Variants in UBE2G1 observed in about 807,000 individuals in gnomAD.
UBE2G1 encodes ubiquitin-conjugating enzyme E2 G1.
In UBE2G1, 5 loss-of-function variants were observed where a neutral mutation model predicts 22.7. The ratio of observed to expected loss-of-function variants is 0.22; its 90% CI spans 0.12 to 0.46. UBE2G1 has a LOEUF of 0.46. Among genes scored for constraint, UBE2G1 ranks in the 20% least tolerant of loss-of-function variants. The pLI is 0.99. For synonymous variants in UBE2G1, 74 were observed against 67.5 expected, an observed-to-expected ratio of 1.10 and a Z score of -0.47; for missense variants, 88 against 203.9, an observed-to-expected ratio of 0.43 and a Z score of 3.46.
intron 1 of UBE2G1, among the ~76,000 whole-genome samples, chr17:4,313,765 A>C (rs1025846827): frequency 5.3e-5 from 8 of 152,132 alleles, no homozygotes; most frequent in African/African-American, 1.9e-4. Flanking sequence ...GTTATACTTC[A>C]ATTTTTAAAA....
rs184706087 is a variant in UBE2G1 at position 4,287,215 on chromosome 17, G to A, written c.426+2015C>T. Among the ~76,000 whole-genome samples the A allele has an allele frequency of 7.8e-4, 118 of 150,590 alleles. 3 individuals are homozygous for A. In the East Asian group the frequency reaches 0.016, roughly 21 times the overall value. On this transcript the variant is annotated intron_variant, in intron 4 of 5. Transcript: ENST00000396981. ...GCCTCCCAGGTTCAAACAATTCTCCGTGCCTCAGTCTCCCAAGCAGCTGGG... is the reference window on the plus strand; with the variant it reads ...GCCTCCCAGGTTCAAACAATTCTCCATGCCTCAGTCTCCCAAGCAGCTGGG...
At chr17:4,281,957 A>G (rs1968897618) in intron 5 of UBE2G1, among the ~76,000 whole-genome samples, 1 of 151,136 alleles carries the variant, frequency 6.6e-6, no homozygotes, top group Non-Finnish European at 1.5e-5. Context: ...GGTGCCTTCC[A>G]TCTTTGACTC....
chr17:4,365,178 T>C (rs1386338034), intron 1 of UBE2G1, among the ~76,000 whole-genome samples: 1 of 152,164 alleles, frequency 6.6e-6, no homozygotes, highest in East Asian at 1.9e-4. Context: ...AGGCTACTGG[T>C]TTTAGAGTGG....
chr17:4,288,212 T>C (rs1253719296), intron 4 of UBE2G1, among the ~76,000 whole-genome samples: 3 of 152,162 alleles, frequency 2.0e-5, no homozygotes, highest in African/African-American at 4.8e-5. Context: ...AATTGAAAAC[T>C]TGGGGATAAT....
chr17:4,328,884 A>C (rs924236043), intron 1 of UBE2G1, among the ~76,000 whole-genome samples: 1 of 152,182 alleles, frequency 6.6e-6, no homozygotes, highest in African/African-American at 2.4e-5. Context: ...CAGGAGATCA[A>C]GACCATCCTG....
intron 2 of UBE2G1, among the ~76,000 whole-genome samples, chr17:4,298,495 A>C (rs909952671): frequency 6.6e-6 from 1 of 152,182 alleles, no homozygotes; most frequent in Non-Finnish European, 1.5e-5. Flanking sequence ...AGCAAGTATG[A>C]ATTTTTATTG....
At chr17:4,363,245 A>G (rs1969989264) in intron 1 of UBE2G1, among the ~76,000 whole-genome samples, 1 of 152,160 alleles carries the variant, frequency 6.6e-6, no homozygotes, top group African/African-American at 2.4e-5. Context: ...GTACATTTTG[A>G]GCATGTTAAT....
At chr17:4,303,951 T>A (rs1046591018) in intron 2 of UBE2G1, among the ~76,000 whole-genome samples, 1 of 152,226 alleles carries the variant, frequency 6.6e-6, no homozygotes, top group Non-Finnish European at 1.5e-5. Context: ...ATAAAAGTTA[T>A]ACAGTCATCA....
At chr17:4,279,150 C>T (rs1333280058) in intron 5 of UBE2G1, among the ~76,000 whole-genome samples, 1 of 151,986 alleles carries the variant, frequency 6.6e-6, no homozygotes, top group Non-Finnish European at 1.5e-5. Context: ...TGGCACACAC[C>T]TGTAATCCCA....
chr17:4,365,264 C>A (rs1302446644), intron 1 of UBE2G1, among the ~76,000 whole-genome samples: 1 of 152,234 alleles, frequency 6.6e-6, no homozygotes. Flanking sequence ...TGGTTCATTT[C>A]TCTTTAAATC....
intron 1 of UBE2G1, among the ~76,000 whole-genome samples, chr17:4,365,409 C>T (rs1970020955): frequency 6.6e-6 from 1 of 152,218 alleles, no homozygotes; most frequent in Non-Finnish European, 1.5e-5. Flanking sequence ...AAAAAGTCAA[C>T]CTGGAAGCCG....
At chr17:4,283,003 T>C in intron 4 of UBE2G1, 82 bp from the exon 5 acceptor site, 1 of 1,167,670 alleles carries the variant, frequency 8.6e-7, no homozygotes, top group Non-Finnish European at 1.2e-6. Context: ...ATTTTGAATG[T>C]AATCCCTTGG....
At chr17:4,336,133 C>A (rs145600468) in intron 1 of UBE2G1, among the ~76,000 whole-genome samples, 325 of 152,094 alleles carry the variant, frequency 2.1e-3, no homozygotes, top group African/African-American at 7.4e-3. Flanking sequence ...GGCGACAGAG[C>A]TAGACTGTCT....
At chr17:4,329,638 A>G (rs150776852) in intron 1 of UBE2G1, among the ~76,000 whole-genome samples, 1 of 152,170 alleles carries the variant, frequency 6.6e-6, no homozygotes, top group Non-Finnish European at 1.5e-5. Flanking sequence ...AAGGACTTTA[A>G]TATATTTAAA....
At chr17:4,350,332 G>A (rs141104790) in intron 1 of UBE2G1, among the ~76,000 whole-genome samples, 53 of 152,024 alleles carry the variant, frequency 3.5e-4, no homozygotes, top group African/African-American at 1.2e-3. Flanking sequence ...ATGGTGGTGC[G>A]CCTGTAATCC....
intron 5 of UBE2G1, among the ~76,000 whole-genome samples, chr17:4,273,248 T>G (rs1968781369): frequency 6.6e-6 from 1 of 152,252 alleles, no homozygotes; most frequent in Admixed American, 6.5e-5. Flanking sequence ...ACAATCATCA[T>G]TATGAAGGAG....
At chr17:4,328,365 CA>C (rs1969525828) in intron 1 of UBE2G1, among the ~76,000 whole-genome samples, 1 of 152,138 alleles carries the variant, frequency 6.6e-6, no homozygotes, top group Admixed American at 6.5e-5. Flanking sequence ...ACTGGTTTTG[CA>C]AAAGCCCTTT....
At chr17:4,285,950 TAA>T in intron 4 of UBE2G1, among the ~76,000 whole-genome samples, 1 of 130,460 alleles carries the variant, frequency 7.7e-6, no homozygotes, top group African/African-American at 2.8e-5. Context: ...ACTACATCTT[TAA>T]AAAAAAAAAA....
chr17:4,353,660 G>A (rs918167912), intron 1 of UBE2G1, among the ~76,000 whole-genome samples: 3 of 151,448 alleles, frequency 2.0e-5, no homozygotes, highest in African/African-American at 7.3e-5. Context: ...CTACAGGCAC[G>A]TGCCACCACA....
Sources: allele counts gnomAD v4.1 joint callset (sites outside exome capture counted in the v4.1 genomes callset), GRCh38; gene constraint gnomAD v4.1.1; transcripts MANE v1.5; gene names NCBI Gene and HGNC (gene_info 2026-07-23, HGNC 2026-07-21).